The following ZFYVE19 variants were observed in gnomAD, a reference collection of about 807,000 sequenced individuals.
The protein encoded by ZFYVE19 is abscission/NoCut checkpoint regulator.
In ZFYVE19, 49 loss-of-function variants were observed where a neutral mutation model predicts 62.8. The observed-to-expected ratio is 0.78, with a 90% CI of 0.62 to 0.99. The LOEUF (loss-of-function observed/expected upper bound fraction) is 0.99. ZFYVE19 is among the 50% of genes least tolerant of loss of function. The probability of loss-of-function intolerance (pLI) is 0.00; values close to 1 mark genes in which losing one functional copy is unlikely to be tolerated. For missense variants in ZFYVE19, 630 were observed against 601.9 expected (o/e 1.05, Z -0.49); for synonymous variants, 242 against 234.3 (o/e 1.03, Z -0.30).
Position 40,807,434 on chromosome 15 carries a change from T to G in ZFYVE19, c.-156T>G. 1 of 1,614,250 alleles carries G rather than the reference T, an allele frequency of 6.2e-7. No individual in the cohort carries two copies. ...TACAGGTCCATCTGTAAGAGCTCCT[T>G]GGTCACTGCCATGGTTCCGGCCTGA... On this transcript the variant is annotated 5_prime_UTR_variant, in exon 1 of 11. Coordinates refer to ENST00000355341, the MANE Select transcript of ZFYVE19 (RefSeq NM_001077268.2).
At chr15:40,813,546 A>G in intron 8 of ZFYVE19, 129 bp downstream of exon 8, 1 of 1,180,468 alleles carries the variant, frequency 8.5e-7, no homozygotes, top group South Asian at 1.5e-5. Flanking sequence ...TGTGACCCAG[A>G]CCCAGACCTG....
chr15:40,809,134 TG>T lies in ZFYVE19; in HGVS notation c.296del (p.Cys99LeufsTer10). 6.2e-7 allele frequency: 1 copy of T among 1,614,092 alleles called. No individual in the cohort carries two copies. Among genetic ancestry groups the T allele is most frequent in the Non-Finnish European group, 8.5e-7 (1 of 1,179,966 alleles). ...TTTCTTGTAGTACGGCTGTAAGAAT[TG>T]TGGCAGGGCCTTCTGTTCAGGCTGC... The part of the protein sequence containing the change: ...LFKKEYGCKN[C>X]GRAFCSGCLS... On this transcript the variant is annotated frameshift_variant, in exon 2 of 11. Transcript: ENST00000355341. LOFTEE classifies it high-confidence loss of function.
Position 40,814,212 on chromosome 15 carries a change from G to A in ZFYVE19, c.1402G>A (p.Gly468Ser), listed in dbSNP as rs745953216. The change falls in exon 11 of 11, where the codon GGC (glycine) becomes AGC (serine). Residue 468 changes from glycine (G) to serine (S), a missense_variant. Gly to Ser is a moderately conservative substitution (Grantham distance 56). Transcript: ENST00000355341. ...ATCTGCCTACTCTCCTCCACGTGCA[G>A]GCCAAGAGCACTGAAGACACCCTGG... Reference protein sequence around the residue: ...QTSAYSPPRAGQEH With the variant: ...QTSAYSPPRASQEH 1.9e-6 allele frequency: 3 copies of A among 1,614,178 alleles called. No individual in the cohort carries two copies. The highest frequency in any genetic ancestry group is 1.3e-5 in the African/African-American group (1 of 75,052).
intron 1 of ZFYVE19, chr15:40,808,334 C>T (rs766472831): frequency 1.3e-6 from 2 of 1,597,874 alleles, no homozygotes; most frequent in South Asian, 1.1e-5. Context: ...GGCTGACTGT[C>T]CTGTCCCTAT....
At position 40,810,773 on chromosome 15, in the gene ZFYVE19, G is replaced by A; in HGVS notation, c.826+16G>A. 1 of 1,552,792 alleles carries A rather than the reference G, an allele frequency of 6.4e-7. No homozygotes were observed. The highest frequency in any genetic ancestry group is 8.7e-7 in the Non-Finnish European group (1 of 1,147,572). Reference sequence around the variant, plus strand: ...GGAGGCCCAGGTAACCCCTCCACTTGGCTCCCTAGGAATCTGCCCTACCTC... The same window carrying A: ...GGAGGCCCAGGTAACCCCTCCACTTAGCTCCCTAGGAATCTGCCCTACCTC... On this transcript the variant is annotated intron_variant, in intron 6 of 10. Coordinates refer to ENST00000355341, the MANE Select transcript of ZFYVE19 (RefSeq NM_001077268.2).
chr15:40,811,030 A>G (rs112550747), intron 6 of ZFYVE19: 143 of 365,054 alleles, frequency 3.9e-4, no homozygotes, highest in African/African-American at 3.4e-3. Context: ...CACTTTCCTC[A>G]TGTGTAAAAT....
intron 3 of ZFYVE19, 146 bp from the exon 4 acceptor site, chr15:40,809,706 G>C (rs1890415868): frequency 2.0e-6 from 2 of 980,000 alleles, no homozygotes; most frequent in Non-Finnish European, 1.6e-6. Context: ...GCTGCAGGGT[G>C]ACATGAGTGA....
At chr15:40,813,278 T>C in intron 7 of ZFYVE19, 60 bp from the exon 8 acceptor site, 1 of 1,531,226 alleles carries the variant, frequency 6.5e-7, no homozygotes, top group Non-Finnish European at 9.0e-7. Context: ...GGGCAGCCAC[T>C]CATGTGAAAT....
At chr15:40,808,203 A>T in intron 1 of ZFYVE19, 1 of 1,584,194 alleles carries the variant, frequency 6.3e-7, no homozygotes, top group Non-Finnish European at 8.5e-7. Flanking sequence ...CGCGGTGTCC[A>T]TCACACCAAG....
rs754947968 is a variant in ZFYVE19 at position 40,810,051 on chromosome 15, T to TC, written c.572-14dup. The TC allele has an allele frequency of 2.5e-6, 4 of 1,613,866 alleles. No individual in the cohort carries two copies. The highest frequency in any genetic ancestry group is 2.2e-5 in the East Asian group (1 of 44,864). On this transcript the variant is annotated intron_variant, in intron 4 of 10. Coordinates refer to ENST00000355341, the MANE Select transcript of ZFYVE19 (RefSeq NM_001077268.2). ...GAGATGCCTCTGGCCCTTACAAGGCTCCCCCCATGCCAATTGCAGAGTTAG... is the reference window on the plus strand; with the variant it reads ...GAGATGCCTCTGGCCCTTACAAGGCTCCCCCCCATGCCAATTGCAGAGTTAG...
chr15:40,809,593 C>T (rs543389023), intron 3 of ZFYVE19, 135 bp downstream of exon 3: 1 of 1,161,426 alleles, frequency 8.6e-7, no homozygotes, highest in South Asian at 1.4e-5. Context: ...CTCCTGACTG[C>T]CCTCTTGGGC....
At chr15:40,812,992 A>C in intron 7 of ZFYVE19, 90 bp downstream of exon 7, 2 of 1,424,736 alleles carry the variant, frequency 1.4e-6, no homozygotes, top group Non-Finnish European at 1.9e-6. Flanking sequence ...ATTTGCGCCC[A>C]GAGATCTACT....
chr15:40,809,303 AC>A (rs1301206974), intron 2 of ZFYVE19, 63 bp downstream of exon 2: 1 of 1,612,544 alleles, frequency 6.2e-7, no homozygotes, highest in Admixed American at 1.7e-5. Flanking sequence ...GCCAGCCCTC[AC>A]AGCTTTGTAC....
chr15:40,810,650 C>A lies in ZFYVE19; in HGVS notation c.719C>A (p.Ala240Glu). The A allele has an allele frequency of 6.4e-7, 1 of 1,564,094 alleles. No individual in the cohort carries two copies. The highest frequency in any genetic ancestry group is 2.4e-5 in the East Asian group (1 of 42,124). The stretch of plus-strand genomic sequence containing the variant: ...ACTGAGGTTTCCTCGTCTGTGCAGG[C>A]ACATCACACACCGGACACCAGGACC... ...RVLPSQTPQPAHHTPDTRTQA... is the reference protein window; with the variant it reads ...RVLPSQTPQPEHHTPDTRTQA... The change falls in exon 6 of 11, where the codon GCA becomes GAA. Residue 240 changes from alanine (A) to glutamate (E), a missense_variant and splice_region_variant. Transcript: ENST00000355341.
intron 1 of ZFYVE19, 153 bp from the exon 2 acceptor site, chr15:40,808,966 C>T (rs769423385): frequency 2.2e-4 from 200 of 925,726 alleles, no homozygotes; most frequent in Non-Finnish European, 3.1e-4. Flanking sequence ...GCTTTACTCA[C>T]CATCCCTAGG....
At position 40,807,303 on chromosome 15, in the gene ZFYVE19, C is replaced by A. The variant is rs778392041; in HGVS notation, c.-287C>A. 3 of 1,613,394 alleles carry A rather than the reference C, an allele frequency of 1.9e-6. No homozygotes were observed. The highest frequency in any genetic ancestry group is 2.2e-5 in the South Asian group (2 of 90,940). Reference sequence around the variant, plus strand: ...CTGGAGAGCGGATGCCAGCAGTGGCCGAGGCGCTAGGACAGGAAGGACCGC... The same window carrying A: ...CTGGAGAGCGGATGCCAGCAGTGGCAGAGGCGCTAGGACAGGAAGGACCGC... On this transcript the variant is annotated 5_prime_UTR_variant, in exon 1 of 11. Coordinates refer to ENST00000355341, the MANE Select transcript of ZFYVE19 (RefSeq NM_001077268.2).
intron 6 of ZFYVE19, among the ~76,000 whole-genome samples, 153 bp from the exon 7 acceptor site, chr15:40,812,545 CA>C (rs373468873): frequency 4.8e-3 from 226 of 46,600 alleles, no homozygotes; most frequent in Middle Eastern, 0.014. Flanking sequence ...GACTCCATCT[CA>C]AAAAAAAAAA....
In ZFYVE19 at chr15:40,814,512, G is replaced by A. The variant is rs116897994; in HGVS notation, c.*286G>A. 1,050 of 492,062 alleles carry A rather than the reference G, an allele frequency of 2.1e-3. 13 individuals carry two copies. In the East Asian group the frequency reaches 0.03, roughly 14 times the overall value. 30.5% of individuals were successfully genotyped at this position (492,062 alleles called of 1,614,324 possible). A position where few individuals can be genotyped will look rare whatever the true frequency, so the allele number is the denominator to read the frequency against. On this transcript the variant is annotated 3_prime_UTR_variant, in exon 11 of 11. Transcript: ENST00000355341. ...GGTGAGCCCTGTAACCTGGCTCTAGGGCACAGGCCCCTCCCCTGGCACTTA... is the reference window on the plus strand; with the variant it reads ...GGTGAGCCCTGTAACCTGGCTCTAGAGCACAGGCCCCTCCCCTGGCACTTA...
chr15:40,809,995 C>G (rs1890428019), intron 4 of ZFYVE19, 25 bp downstream of exon 4: 1 of 1,614,164 alleles, frequency 6.2e-7, no homozygotes, highest in Middle Eastern at 1.6e-4. Flanking sequence ...ATGGGGTTGC[C>G]TAGAGGACAC....
Sources: allele counts gnomAD v4.1 joint callset (sites outside exome capture counted in the v4.1 genomes callset), GRCh38; gene constraint gnomAD v4.1.1; transcripts MANE v1.5; gene names NCBI Gene and HGNC (gene_info 2026-07-23, HGNC 2026-07-21).